The following TUSC3 variants were observed in gnomAD, a reference collection of about 807,000 sequenced individuals.
The protein encoded by TUSC3 is tumor suppressor candidate 3.
Under a neutral mutation model 44.8 loss-of-function variants are expected in TUSC3, and 45 were observed. The observed-to-expected ratio is 1.00, with a 90% CI of 0.79 to 1.29. The LOEUF is 1.29. Ranked by LOEUF, TUSC3 falls within the 50% of genes most tolerant of loss-of-function variation. TUSC3 has a pLI of 0.00. For synonymous variants in TUSC3, 212 were observed against 152.9 expected (o/e 1.39, Z -2.85); for missense variants, 519 against 437.9 (o/e 1.19, Z -1.65).
At chr8:15,845,970 T>A in the TUSC3 span, among the ~76,000 whole-genome samples, 4 of 152,128 alleles carry the variant, frequency 2.6e-5, no homozygotes, top group African/African-American at 9.7e-5. Flanking sequence ...GGAAAGGCAC[T>A]TCTTACATCA....
chr8:15,655,507 T>TG (rs1443021270), intron 3 of TUSC3, among the ~76,000 whole-genome samples: 1 of 152,228 alleles, frequency 6.6e-6, no homozygotes, highest in Non-Finnish European at 1.5e-5. Context: ...TGCCAGTGTA[T>TG]GAAACTCCAA....
rs1812328528 is a variant in TUSC3 at position 15,766,434 on chromosome 8, CTTT to C, written c.*2281_*2283del. 1 of 152,070 alleles carries C rather than the reference CTTT, an allele frequency of 6.6e-6. No individual in the cohort carries two copies. Among genetic ancestry groups the C allele is most frequent in the Non-Finnish European group, 1.5e-5 (1 of 67,994 alleles). The allele number at this position is 152,070 out of a possible 1,614,324, so 9.4% of individuals were successfully genotyped here. A position where few individuals can be genotyped will look rare whatever the true frequency, so the allele number is the denominator to read the frequency against. ...TGGTATGTTATATCCTCCAGTGTCA[CTTT>C]TTAACCAGATTCACTGTGCGTTCCA... On this transcript the variant is annotated 3_prime_UTR_variant, in exon 11 of 11. Transcript: ENST00000503731.
chr8:15,661,776 C>G (rs993146285), intron 4 of TUSC3, among the ~76,000 whole-genome samples: 1 of 146,296 alleles, frequency 6.8e-6, no homozygotes, highest in Non-Finnish European at 1.5e-5. Flanking sequence ...AATAATTTTT[C>G]TATAAGATAC....
chr8:15,479,810 G>T (rs774392223), intron 1 of TUSC3, among the ~76,000 whole-genome samples: 3 of 152,124 alleles, frequency 2.0e-5, no homozygotes, highest in East Asian at 3.9e-4. Flanking sequence ...GGCCTATCAT[G>T]CAAGAGAAAG....
intron 4 of TUSC3, 67 bp from the exon 5 acceptor site, chr8:15,662,089 T>G: frequency 2.5e-6 from 4 of 1,573,588 alleles, no homozygotes; most frequent in Non-Finnish European, 3.5e-6. Flanking sequence ...TTATGAGGAC[T>G]AGAATATGAT....
intron 1 of TUSC3, among the ~76,000 whole-genome samples, chr8:15,461,743 A>AG (rs933703689): frequency 6.6e-6 from 1 of 151,256 alleles, no homozygotes; most frequent in African/African-American, 2.4e-5. Context: ...TTAATCATAA[A>AG]GGAAAAAAAA....
intron 1 of TUSC3, among the ~76,000 whole-genome samples, chr8:15,593,055 A>AAAT (rs1467257006): frequency 6.6e-6 from 1 of 152,082 alleles, no homozygotes; most frequent in Non-Finnish European, 1.5e-5. Context: ...TATTTAACAT[A>AAAT]AACTCTTTAT....
intron 1 of TUSC3, among the ~76,000 whole-genome samples, chr8:15,551,838 C>G (rs1362567391): frequency 1.3e-5 from 2 of 151,740 alleles, no homozygotes; most frequent in Non-Finnish European, 2.9e-5. Context: ...CCTTTTCCTT[C>G]AAAAGTTACT....
chr8:15,827,563 G>C, the TUSC3 span, among the ~76,000 whole-genome samples: 1 of 152,038 alleles, frequency 6.6e-6, no homozygotes, highest in African/African-American at 2.4e-5. Context: ...TAAGATGATA[G>C]GCTTTCACCT....
At chr8:15,479,768 C>G (rs768762896) in intron 1 of TUSC3, among the ~76,000 whole-genome samples, 1 of 152,092 alleles carries the variant, frequency 6.6e-6, no homozygotes, top group Non-Finnish European at 1.5e-5. Context: ...TATATTGGCT[C>G]TTTTTCAACA....
At chr8:15,508,548 G>A (rs1351094234) in intron 2 of TUSC3, among the ~76,000 whole-genome samples, 2 of 124,914 alleles carry the variant, frequency 1.6e-5, no homozygotes, top group African/African-American at 3.0e-5. Flanking sequence ...TGCAAGCTCC[G>A]CCTCCCGGGT....
intron 2 of TUSC3, among the ~76,000 whole-genome samples, chr8:15,496,311 T>C (rs559957570): frequency 6.6e-6 from 1 of 152,344 alleles, no homozygotes; most frequent in Admixed American, 6.5e-5. Context: ...GCACTCCAGT[T>C]TCACTTAGTG....
chr8:15,558,895 TTTTC>T (rs1270641672), intron 1 of TUSC3, among the ~76,000 whole-genome samples: 1 of 151,304 alleles, frequency 6.6e-6, no homozygotes, highest in Non-Finnish European at 1.5e-5. Context: ...ATTCTTCTCT[TTTTC>T]TTTATTAGTC....
At chr8:15,754,217 G>A (rs1811825791) in intron 9 of TUSC3, among the ~76,000 whole-genome samples, 2 of 152,084 alleles carry the variant, frequency 1.3e-5, no homozygotes, top group Admixed American at 1.3e-4. Flanking sequence ...CTGGCCTTTA[G>A]TACTTCTGCA....
At chr8:15,663,140 C>T (rs1585205737) in intron 5 of TUSC3, among the ~76,000 whole-genome samples, 1 of 151,308 alleles carries the variant, frequency 6.6e-6, no homozygotes, top group East Asian at 1.9e-4. Flanking sequence ...ATCTCTTTCA[C>T]AATAGGAAGG....
chr8:15,813,532 T>C, the TUSC3 span, among the ~76,000 whole-genome samples: 2 of 151,804 alleles, frequency 1.3e-5, no homozygotes, highest in African/African-American at 4.9e-5. Context: ...TACAACTTGA[T>C]GACAGCAATG....
chr8:15,799,554 C>T, the TUSC3 span, among the ~76,000 whole-genome samples: 1 of 152,180 alleles, frequency 6.6e-6, no homozygotes. Flanking sequence ...ACCCCCTTCC[C>T]AGTTTTTCCT....
intron 6 of TUSC3, among the ~76,000 whole-genome samples, chr8:15,688,583 C>A (rs1048642031): frequency 2.0e-5 from 3 of 152,084 alleles, no homozygotes; most frequent in African/African-American, 7.2e-5. Context: ...GATCCTCACC[C>A]TCAAGTATAC....
intron 2 of TUSC3, among the ~76,000 whole-genome samples, chr8:15,519,090 C>G (rs1031857055): frequency 3.3e-5 from 5 of 152,128 alleles, no homozygotes; most frequent in Admixed American, 3.3e-4. Flanking sequence ...TGGCTTCTTG[C>G]TCACTCTGAT....
Sources: gnomAD v4.1 joint callset for allele counts (sites outside exome capture counted in the v4.1 genomes callset) on GRCh38, gnomAD v4.1.1 for gene constraint, MANE v1.5 for transcripts, NCBI Gene and HGNC (gene_info 2026-07-23, HGNC 2026-07-21) for gene names.